Variants in PCDH7 observed in about 807,000 individuals in gnomAD.
PCDH7 encodes the protein protocadherin 7, also known as protocadherin-7.
PCDH7 carries 17 observed loss-of-function variants against 58.9 expected under a neutral mutation model. The ratio of observed to expected loss-of-function variants is 0.29; its 90% CI spans 0.20 to 0.43. PCDH7 has a LOEUF of 0.43. PCDH7 is among the 20% of genes least tolerant of loss of function. The pLI, the probability that PCDH7 is intolerant of heterozygous loss-of-function variation, is 1.00. For synonymous variants in PCDH7, 664 were observed against 616.4 expected (o/e 1.08, Z -1.14); for missense variants, 1,274 against 1,441.0 (o/e 0.88, Z 1.88).
At chr4:31,079,316 A>G (rs1759281897) in intron 3 of PCDH7, among the ~76,000 whole-genome samples, 3 of 12,960 alleles carry the variant, frequency 2.3e-4, no homozygotes. Context: ...GAAGATATAT[A>G]TATATATATA....
At chr4:31,129,166 G>T (rs1312732738) in intron 3 of PCDH7, among the ~76,000 whole-genome samples, 2 of 152,084 alleles carry the variant, frequency 1.3e-5, no homozygotes, top group Admixed American at 6.6e-5. Flanking sequence ...AGCTTACCCT[G>T]CCCATAGAGA....
At chr4:30,918,381 G>A (rs1742752041) in intron 1 of PCDH7, among the ~76,000 whole-genome samples, 1 of 151,866 alleles carries the variant, frequency 6.6e-6, no homozygotes, top group Non-Finnish European at 1.5e-5. Flanking sequence ...TGCACACACA[G>A]GTAAAAATGA....
chr4:30,758,152 G>A lies in PCDH7; in HGVS notation c.70+33556G>A, dbSNP rs187315382. On this transcript the variant is annotated intron_variant, in intron 1 of 3. Coordinates refer to the PCDH7 transcript ENST00000509759. ...CTATCAAGAAAGGCCTTGATAAGAA[G>A]GTGATGTTTGAGAAAGACCTAAACT... 1.1e-3 allele frequency among the ~76,000 whole-genome samples: 166 copies of A among 152,224 alleles called. 1 individual carries two copies. Among genetic ancestry groups the A allele is most frequent in the African/African-American group, 3.9e-3 (162 of 41,534 alleles).
At chr4:30,995,529 A>G in intron 3 of PCDH7, among the ~76,000 whole-genome samples, 1 of 150,202 alleles carries the variant, frequency 6.7e-6, no homozygotes, top group Non-Finnish European at 1.5e-5. Context: ...AAAAAAAAAA[A>G]GATGAACGAG....
intron 1 of PCDH7, among the ~76,000 whole-genome samples, chr4:30,794,937 ATGATT>A (rs1274677066): frequency 2.0e-4 from 30 of 152,276 alleles, no homozygotes; most frequent in African/African-American, 7.2e-4. Flanking sequence ...TTAAGTGATA[ATGATT>A]TGATCTGAGA....
At chr4:30,854,157 T>TA (rs553756139) in intron 1 of PCDH7, among the ~76,000 whole-genome samples, 7 of 151,358 alleles carry the variant, frequency 4.6e-5, no homozygotes, top group Non-Finnish European at 8.8e-5. Flanking sequence ...AGTCTTCTAT[T>TA]AAAAAAATCA....
At chr4:30,746,559 A>G (rs1330526229) in intron 1 of PCDH7, among the ~76,000 whole-genome samples, 1 of 152,084 alleles carries the variant, frequency 6.6e-6, no homozygotes. Context: ...TTTGGTGGCT[A>G]TTCCTGAAAT....
chr4:30,864,857 T>A (rs536391584), intron 1 of PCDH7, among the ~76,000 whole-genome samples: 2 of 151,938 alleles, frequency 1.3e-5, no homozygotes, highest in East Asian at 3.9e-4. Context: ...GGAAAAAAAA[T>A]TTAAGGCAAA....
At chr4:31,052,731 G>A (rs1003489271) in intron 3 of PCDH7, among the ~76,000 whole-genome samples, 1 of 152,156 alleles carries the variant, frequency 6.6e-6, no homozygotes. Flanking sequence ...TGTTTAATAT[G>A]ATGAGCTGCT....
At chr4:31,034,006 A>T (rs1755177656) in intron 3 of PCDH7, among the ~76,000 whole-genome samples, 1 of 152,152 alleles carries the variant, frequency 6.6e-6, no homozygotes. Flanking sequence ...AGGCAGGAGA[A>T]TTGCTTGAGT....
At chr4:31,097,054 G>A (rs1714097290) in intron 3 of PCDH7, among the ~76,000 whole-genome samples, 1 of 151,926 alleles carries the variant, frequency 6.6e-6, no homozygotes. Flanking sequence ...ATGTAATTTT[G>A]TTTTAGATAA....
At chr4:30,818,848 A>C (rs1306368760) in intron 1 of PCDH7, among the ~76,000 whole-genome samples, 1 of 152,202 alleles carries the variant, frequency 6.6e-6, no homozygotes, top group Non-Finnish European at 1.5e-5. Context: ...GACTACTGGC[A>C]GGGAAGATTA....
intron 3 of PCDH7, among the ~76,000 whole-genome samples, chr4:31,042,284 G>A (rs1755933010): frequency 6.6e-6 from 1 of 152,112 alleles, no homozygotes; most frequent in African/African-American, 2.4e-5. Flanking sequence ...CATCAAATTA[G>A]AGTAACAGCA....
chr4:31,025,356 T>A (rs868673624), intron 3 of PCDH7, among the ~76,000 whole-genome samples: 1 of 151,922 alleles, frequency 6.6e-6, no homozygotes, highest in Non-Finnish European at 1.5e-5. Context: ...ATTAGGAGAG[T>A]GACTTGTTTC....
chr4:30,982,268 G>A (rs1032120529), intron 3 of PCDH7, among the ~76,000 whole-genome samples: 1 of 152,152 alleles, frequency 6.6e-6, no homozygotes, highest in Non-Finnish European at 1.5e-5. Context: ...AAGGGAAAAA[G>A]AGAAATTAGG....
chr4:30,732,830 A>G (rs1267485876), exon 2 of PCDH7: 1 of 152,194 alleles, frequency 6.6e-6, no homozygotes, highest in Non-Finnish European at 1.5e-5. Context: ...TGACACTCTC[A>G]AGGATTTTAG....
chr4:30,890,349 T>A (rs1738449342), intron 1 of PCDH7, among the ~76,000 whole-genome samples: 1 of 151,964 alleles, frequency 6.6e-6, no homozygotes, highest in South Asian at 2.1e-4. Context: ...CCTTACACAC[T>A]TAATATACTT....
intron 3 of PCDH7, among the ~76,000 whole-genome samples, chr4:31,030,687 A>G (rs560093984): frequency 2.5e-4 from 38 of 152,336 alleles, no homozygotes; most frequent in African/African-American, 8.9e-4. Context: ...AATGAACTTT[A>G]TCTGCAAAAG....
At chr4:31,036,164 C>T (rs1343487232) in intron 3 of PCDH7, among the ~76,000 whole-genome samples, 1 of 152,146 alleles carries the variant, frequency 6.6e-6, no homozygotes, top group Non-Finnish European at 1.5e-5. Flanking sequence ...TTTCACTGAA[C>T]ATAGAAACTG....
Sources: gnomAD v4.1 joint callset for allele counts (sites outside exome capture counted in the v4.1 genomes callset) on GRCh38, gnomAD v4.1.1 for gene constraint, MANE v1.5 for transcripts, NCBI Gene and HGNC (gene_info 2026-07-23, HGNC 2026-07-21) for gene names.